The following KCNIP4 variants were observed in gnomAD, a reference collection of about 807,000 sequenced individuals.
KCNIP4 encodes Kv channel-interacting protein 4.
In KCNIP4, 12 loss-of-function variants were observed where a neutral mutation model predicts 34.0. That is an observed-to-expected ratio of 0.35 (90% CI 0.23 to 0.57). The LOEUF (loss-of-function observed/expected upper bound fraction) is 0.57, where lower values mean the gene tolerates loss of function less well. Among genes scored for constraint, KCNIP4 ranks in the 20% least tolerant of loss-of-function variants. KCNIP4 has a pLI of 0.83. For missense variants in KCNIP4, 238 were observed against 311.7 expected (o/e 0.76, Z 1.78); for synonymous variants, 124 against 102.2 (o/e 1.21, Z -1.29).
In KCNIP4 at chr4:20,865,430, G is replaced by A. The variant is rs565282118; in HGVS notation, c.164-14763C>T. Among the ~76,000 whole-genome samples, 213 of 152,024 alleles carry A rather than the reference G, an allele frequency of 1.4e-3. 1 individual carries two copies. Among genetic ancestry groups the A allele is most frequent in the African/African-American group, 4.9e-3 (204 of 41,484 alleles). ...TTTTAAATATTATTAATTAAAATTG[G>A]CAGCTTATTCATAGTAGCCAAAATA... is the stretch of plus-strand genomic sequence containing the variant. On this transcript the variant is annotated intron_variant, in intron 2 of 8. Coordinates refer to ENST00000382152, the MANE Select transcript of KCNIP4 (RefSeq NM_025221.6).
intron 1 of KCNIP4, among the ~76,000 whole-genome samples, chr4:21,046,425 C>A (rs1742422786): frequency 1.3e-5 from 2 of 152,064 alleles, no homozygotes; most frequent in Non-Finnish European, 2.9e-5. Context: ...GTGAAGATAG[C>A]AGTTCTTTAT....
At chr4:21,569,209 C>T (rs922824718) in intron 1 of KCNIP4, among the ~76,000 whole-genome samples, 2 of 106,612 alleles carry the variant, frequency 1.9e-5, no homozygotes, top group Admixed American at 3.1e-4. Context: ...ATGTTTAAGT[C>T]CCATGCACTA....
intron 1 of KCNIP4, among the ~76,000 whole-genome samples, chr4:21,924,313 G>A (rs1247691531): frequency 1.4e-5 from 2 of 144,530 alleles, no homozygotes; most frequent in Non-Finnish European, 3.0e-5. Flanking sequence ...GTGTGATCTC[G>A]GCTCACCGCA....
In KCNIP4 at chr4:20,781,670, T is replaced by G. The variant is rs1424939376; in HGVS notation, c.289-22780A>C. Among the ~76,000 whole-genome samples, 29 of 152,140 alleles carry G rather than the reference T, an allele frequency of 1.9e-4. 1 individual carries two copies. The highest frequency in any genetic ancestry group is 1.9e-3 in the Admixed American group (29 of 15,268). On this transcript the variant is annotated intron_variant, in intron 3 of 8. Transcript: ENST00000382152. ...GGGGAAAACCACCCCATGATTCAAA[T>G]TATCTCCCATTGGGTCCCTCCTACA...
intron 1 of KCNIP4, among the ~76,000 whole-genome samples, chr4:21,095,179 T>G (rs1747355174): frequency 1.3e-5 from 2 of 152,180 alleles, no homozygotes; most frequent in South Asian, 4.1e-4. Flanking sequence ...AATGTGCACA[T>G]AAATGTATGC....
chr4:21,560,088 C>G (rs143687627), intron 1 of KCNIP4, among the ~76,000 whole-genome samples: 1 of 151,926 alleles, frequency 6.6e-6, no homozygotes, highest in Non-Finnish European at 1.5e-5. Flanking sequence ...TTGTTTTTCT[C>G]CCCCTGGAGA....
At chr4:21,345,960 G>A (rs778874209) in intron 1 of KCNIP4, among the ~76,000 whole-genome samples, 2 of 149,448 alleles carry the variant, frequency 1.3e-5, no homozygotes, top group African/African-American at 2.5e-5. Flanking sequence ...GCACTGTGGG[G>A]GCCTGGGTAG....
At chr4:21,569,960 G>A (rs1475271008) in intron 1 of KCNIP4, among the ~76,000 whole-genome samples, 1 of 152,022 alleles carries the variant, frequency 6.6e-6, no homozygotes, top group Non-Finnish European at 1.5e-5. Flanking sequence ...TTGGGAGAAT[G>A]GGGGTGGGCT....
At chr4:21,655,216 T>C (rs1225090218) in intron 1 of KCNIP4, among the ~76,000 whole-genome samples, 1 of 152,134 alleles carries the variant, frequency 6.6e-6, no homozygotes. Flanking sequence ...CATGTTAAAA[T>C]GCAGATTTAT....
At chr4:21,666,019 G>C (rs1439510630) in intron 1 of KCNIP4, among the ~76,000 whole-genome samples, 1 of 152,116 alleles carries the variant, frequency 6.6e-6, no homozygotes, top group African/African-American at 2.4e-5. Flanking sequence ...AGTGATTAAA[G>C]CCAATTTATT....
intron 4 of KCNIP4, among the ~76,000 whole-genome samples, chr4:20,753,370 A>G (rs1156896474): frequency 3.3e-5 from 5 of 152,162 alleles, no homozygotes; most frequent in Non-Finnish European, 5.9e-5. Context: ...GGCTAAGAAA[A>G]GTAAACTACT....
intron 1 of KCNIP4, among the ~76,000 whole-genome samples, chr4:21,505,212 A>G (rs1417057418): frequency 3.3e-5 from 5 of 151,990 alleles, no homozygotes; most frequent in Non-Finnish European, 5.9e-5. Flanking sequence ...TGTGAACTGT[A>G]GTTTCATAGA....
chr4:21,312,555 G>C (rs1241336408), intron 1 of KCNIP4, among the ~76,000 whole-genome samples: 5 of 152,188 alleles, frequency 3.3e-5, no homozygotes, highest in Non-Finnish European at 5.9e-5. Context: ...ACTTGACATG[G>C]TTAAGAATAG....
rs181327926 is a variant in KCNIP4, at chr4:21,236,968, T to C, written c.62-354259A>G. ...TTACAGTGAGCCGAGATCGTGCCAC[T>C]GCACTCCAGCCTGGGTGACAGAGGG... On this transcript the variant is annotated intron_variant, in intron 1 of 8. Coordinates refer to ENST00000382152, the MANE Select transcript of KCNIP4 (RefSeq NM_025221.6). Among the ~76,000 whole-genome samples the C allele has an allele frequency of 1.4e-4, 21 of 150,712 alleles. No individual in the cohort carries two copies. The East Asian group carries it at 3.9e-3, about 28-fold the overall frequency.
At chr4:21,100,744 GT>G (rs933610203) in intron 1 of KCNIP4, among the ~76,000 whole-genome samples, 3 of 151,882 alleles carry the variant, frequency 2.0e-5, no homozygotes, top group African/African-American at 4.8e-5. Context: ...TGTGTACATT[GT>G]TTTTTTAGAC....
At chr4:21,342,012 C>G (rs1445013876) in intron 1 of KCNIP4, among the ~76,000 whole-genome samples, 1 of 152,112 alleles carries the variant, frequency 6.6e-6, no homozygotes, top group Non-Finnish European at 1.5e-5. Flanking sequence ...CTTATAAGGA[C>G]TATTTTTCTT....
chr4:21,419,116 C>T (rs1269397562), intron 1 of KCNIP4, among the ~76,000 whole-genome samples: 1 of 152,178 alleles, frequency 6.6e-6, no homozygotes, highest in African/African-American at 2.4e-5. Flanking sequence ...CATCCTTCTG[C>T]TGCAGTTGCC....
chr4:21,467,073 AACAC>A (rs33937973), intron 1 of KCNIP4, among the ~76,000 whole-genome samples: 2,486 of 139,752 alleles, frequency 0.018, 69 homozygotes, highest in African/African-American at 0.057. Context: ...AACCAAAACA[AACAC>A]ACACACACAC....
chr4:21,445,669 C>T (rs1727917401), intron 1 of KCNIP4, among the ~76,000 whole-genome samples: 1 of 152,136 alleles, frequency 6.6e-6, no homozygotes, highest in Admixed American at 6.5e-5. Context: ...ACCATAAAAA[C>T]CCTAGAAGAA....
Sources: gnomAD v4.1 joint callset for allele counts (sites outside exome capture counted in the v4.1 genomes callset) on GRCh38, gnomAD v4.1.1 for gene constraint, MANE v1.5 for transcripts, NCBI Gene and HGNC (gene_info 2026-07-23, HGNC 2026-07-21) for gene names.